Variants in ARID2 observed in about 807,000 individuals in gnomAD.
ARID2 encodes the protein AT-rich interaction domain 2.
ARID2 carries 32 observed loss-of-function variants against 184.6 expected under a neutral mutation model. That is an observed-to-expected ratio of 0.17 (90% CI 0.13 to 0.23). The LOEUF (loss-of-function observed/expected upper bound fraction) is 0.23, where lower values mean the gene tolerates loss of function less well. Ranked by LOEUF, ARID2 falls within the 10% of genes least tolerant of loss-of-function variation. ARID2 has a pLI of 1.00. For missense variants in ARID2, 1,696 were observed against 2,197.6 expected (o/e 0.77, Z 4.56); for synonymous variants, 836 against 772.6 (o/e 1.08, Z -1.36).
intron 16 of ARID2, among the ~76,000 whole-genome samples, chr12:45,888,578 C>A (rs1004952605): frequency 3.3e-5 from 5 of 152,136 alleles, no homozygotes; most frequent in African/African-American, 9.7e-5. Context: ...TTACCAGTAC[C>A]TCCACTACCC....
At chr12:45,777,312 A>G (rs1471976296) in intron 3 of ARID2, among the ~76,000 whole-genome samples, 1 of 152,164 alleles carries the variant, frequency 6.6e-6, no homozygotes, top group Non-Finnish European at 1.5e-5. Context: ...TTGGATGCTT[A>G]TAATAGTACT....
At chr12:45,730,197 T>C in intron 2 of ARID2, 60 bp downstream of exon 2, 1 of 1,569,366 alleles carries the variant, frequency 6.4e-7, no homozygotes, top group Non-Finnish European at 8.7e-7. Context: ...AAGTCTCCTT[T>C]GACCCCGGAG....
At position 45,760,925 on chromosome 12, in the gene ARID2, G is replaced by A. The variant is rs545864391; in HGVS notation, c.284+29611G>A. ...TGCCTGGGCTGGAGTGCAGTGGTGC[G>A]ATCATAGCTCACTGGAGCCCGAATC... is the stretch of plus-strand genomic sequence containing the variant. On this transcript the variant is annotated intron_variant, in intron 3 of 20. Transcript: ENST00000334344. Among the ~76,000 whole-genome samples, 16 of 152,026 alleles carry A rather than the reference G, an allele frequency of 1.1e-4. No homozygotes were observed. In the East Asian group the frequency reaches 1.5e-3, roughly 15 times the overall value.
intron 3 of ARID2, chr12:45,776,324 A>G (rs549532422): frequency 1.3e-5 from 2 of 152,436 alleles, no homozygotes; most frequent in Admixed American, 6.5e-5. Context: ...CTTGATTTTA[A>G]TCCAGTATAT....
intron 3 of ARID2, among the ~76,000 whole-genome samples, chr12:45,783,183 G>A (rs1275862763): frequency 1.3e-5 from 2 of 151,374 alleles, no homozygotes; most frequent in African/African-American, 4.9e-5. Flanking sequence ...AAAATCCAAA[G>A]CTTAGAAAAG....
At position 45,730,179 on chromosome 12, in the gene ARID2, C is replaced by T. The variant is rs774088386; in HGVS notation, c.186+42C>T. 6 of 1,601,506 alleles carry T rather than the reference C, an allele frequency of 3.7e-6. No homozygotes were observed. In the South Asian group the frequency reaches 6.6e-5, roughly 18 times the overall value. On this transcript the variant is annotated intron_variant, in intron 2 of 20. Transcript: ENST00000334344. The stretch of plus-strand genomic sequence containing the variant: ...ATTTGTATTTCCCTCTCGCTGGCCT[C>T]CTCCAAAAAGTCTCCTTTGACCCCG...
At chr12:45,730,547 G>C (rs552889097) in intron 2 of ARID2, among the ~76,000 whole-genome samples, 71 of 152,180 alleles carry the variant, frequency 4.7e-4, no homozygotes, top group Non-Finnish European at 7.2e-4. Context: ...GAGACACACA[G>C]AGACACACAG....
Position 45,850,764 on chromosome 12 carries a change from G to A in ARID2, c.2641G>A (p.Ala881Thr), listed in dbSNP as rs2138164949. The change falls in exon 15 of 21, where the codon GCT (alanine) becomes ACT (threonine). Residue 881 changes from alanine (A) to threonine (T), a missense_variant. Ala to Thr is a moderately conservative substitution (Grantham distance 58). Transcript: ENST00000334344. ...QVATGQMVTI[A>T]GVPSPQASRV... ...AGCTACAGGACAAATGGTTACTATTGCTGGTGTCCCAAGTCCACAAGCCTC... is the reference window on the plus strand; with the variant it reads ...AGCTACAGGACAAATGGTTACTATTACTGGTGTCCCAAGTCCACAAGCCTC... The A allele has an allele frequency of 2.5e-6, 4 of 1,614,068 alleles. No homozygotes were observed. The highest frequency in any genetic ancestry group is 3.4e-6 in the Non-Finnish European group (4 of 1,179,992).
At chr12:45,763,251 A>C (rs1941712860) in intron 3 of ARID2, among the ~76,000 whole-genome samples, 1 of 152,166 alleles carries the variant, frequency 6.6e-6, no homozygotes, top group Non-Finnish European at 1.5e-5. Context: ...CGGGTGGATC[A>C]TGAGGTCAGG....
In ARID2 at chr12:45,849,711, C is replaced by T. The variant is rs1943506069; in HGVS notation, c.1847C>T (p.Pro616Leu). 1 of 1,613,820 alleles carries T rather than the reference C, an allele frequency of 6.2e-7. No homozygotes were observed. Among genetic ancestry groups the T allele is most frequent in the South Asian group, 1.1e-5 (1 of 91,046 alleles). ...LPIQMYYQQQPVSTSVVRVDS... is the reference protein window; with the variant it reads ...LPIQMYYQQQLVSTSVVRVDS... Reference sequence around the variant, plus strand: ...ATTCAGATGTACTATCAGCAGCAACCAGTTTCTACTTCTGTTGTTCGTGTT... The same window carrying T: ...ATTCAGATGTACTATCAGCAGCAACTAGTTTCTACTTCTGTTGTTCGTGTT... Residue 616 changes from proline to leucine, a missense_variant, in exon 14 of 21, where the codon CCA becomes CTA. Physicochemically the swap from Pro to Leu is moderately conservative, Grantham distance 98. Transcript: ENST00000334344.
intron 16 of ARID2, among the ~76,000 whole-genome samples, chr12:45,863,854 T>C (rs1482061157): frequency 2.1e-4 from 1 of 4,764 alleles, no homozygotes; most frequent in African/African-American, 6.6e-4. Context: ...CCCTTTTTTT[T>C]TTGTTTTTTT....
rs111488224 is a variant in ARID2, at chr12:45,736,351, C to T, written c.284+5037C>T. Among the ~76,000 whole-genome samples the T allele has an allele frequency of 2.4e-3, 352 of 147,776 alleles. 3 individuals are homozygous for T. The highest frequency in any genetic ancestry group is 7.7e-3 in the African/African-American group (308 of 39,808). On this transcript the variant is annotated intron_variant, in intron 3 of 20. Coordinates refer to ENST00000334344, the MANE Select transcript of ARID2 (RefSeq NM_152641.4). ...CAGCCTGGGTGACAGAGCGAGACTC[C>T]GTCTGAAAAAAAAAAAAAAAGTATA...
At chr12:45,852,950 A>G (rs1943584397) in intron 15 of ARID2, 54 bp downstream of exon 15, 2 of 1,472,592 alleles carry the variant, frequency 1.4e-6, no homozygotes, top group Non-Finnish European at 1.8e-6. Flanking sequence ...CTGTAAATAC[A>G]ATTTTAGAGG....
intron 3 of ARID2, among the ~76,000 whole-genome samples, chr12:45,807,017 G>T (rs1942614733): frequency 6.6e-6 from 1 of 152,152 alleles, no homozygotes; most frequent in African/African-American, 2.4e-5. Flanking sequence ...AGCTCCTCAG[G>T]AGCTAAGGGA....
At chr12:45,869,598 C>T (rs578087619) in intron 16 of ARID2, among the ~76,000 whole-genome samples, 10 of 152,108 alleles carry the variant, frequency 6.6e-5, no homozygotes, top group South Asian at 6.2e-4. Flanking sequence ...ATTATAATGT[C>T]TAGGCCAGGT....
At chr12:45,802,238 T>G (rs1220638576) in intron 3 of ARID2, among the ~76,000 whole-genome samples, 1 of 152,064 alleles carries the variant, frequency 6.6e-6, no homozygotes, top group Non-Finnish European at 1.5e-5. Flanking sequence ...GGCTAATTTT[T>G]TATTTTTTGT....
rs375590924 is a variant in ARID2 at position 45,729,823 on chromosome 12, C to T, written c.-14C>T. 1.9e-6 allele frequency: 3 copies of T among 1,601,774 alleles called. No individual in the cohort carries two copies. The highest frequency in any genetic ancestry group is 2.6e-6 in the Non-Finnish European group (3 of 1,174,600). On this transcript the variant is annotated 5_prime_UTR_variant, in exon 1 of 21. Coordinates refer to ENST00000334344, the MANE Select transcript of ARID2 (RefSeq NM_152641.4). ...ACCGATCTGGGTTTTTTAAAAACCT[C>T]CTTTGAAAAAATAATGGCAAACTCG...
At chr12:45,864,251 C>G (rs1183332621) in intron 16 of ARID2, among the ~76,000 whole-genome samples, 4 of 152,068 alleles carry the variant, frequency 2.6e-5, no homozygotes, top group African/African-American at 9.7e-5. Flanking sequence ...GCATTTATCT[C>G]TAAAAGTTAG....
At chr12:45,868,883 C>A (rs117654324) in intron 16 of ARID2, among the ~76,000 whole-genome samples, 1 of 152,124 alleles carries the variant, frequency 6.6e-6, no homozygotes, top group Non-Finnish European at 1.5e-5. Flanking sequence ...GCTGATTCTT[C>A]GCAGTTTTTT....
Sources: gnomAD v4.1 joint callset for allele counts (sites outside exome capture counted in the v4.1 genomes callset) on GRCh38, gnomAD v4.1.1 for gene constraint, MANE v1.5 for transcripts, NCBI Gene and HGNC (gene_info 2026-07-23, HGNC 2026-07-21) for gene names.